CDKAL1: variants seen among roughly 807,000 people sequenced by gnomAD.
CDKAL1 encodes CDKAL1 threonylcarbamoyladenosine tRNA methylthiotransferase, also known as threonylcarbamoyladenosine tRNA methylthiotransferase.
A neutral mutation model predicts 68.2 loss-of-function variants in CDKAL1; 32 were observed. That is an observed-to-expected ratio of 0.47 (90% CI 0.35 to 0.63). The LOEUF is 0.63. Ranked by LOEUF, CDKAL1 falls within the 30% of genes least tolerant of loss-of-function variation. CDKAL1 has a pLI of 0.00. For missense variants in CDKAL1, 606 were observed against 696.7 expected (o/e 0.87, Z 1.47); for synonymous variants, 234 against 244.3 (o/e 0.96, Z 0.39).
chr6:21,023,469 A>C (rs1351655559), intron 11 of CDKAL1, among the ~76,000 whole-genome samples: 1 of 152,182 alleles, frequency 6.6e-6, no homozygotes, highest in African/African-American at 2.4e-5. Flanking sequence ...TCTTTCTGTA[A>C]ATTAGTTTTT....
chr6:20,612,583 C>T (rs74647347), intron 4 of CDKAL1, among the ~76,000 whole-genome samples: 23,497 of 151,926 alleles, frequency 0.15, 2,675 homozygotes, highest in African/African-American at 0.32. Context: ...CATACTTTGC[C>T]TGTTTCTTAA....
intron 11 of CDKAL1, among the ~76,000 whole-genome samples, chr6:21,021,005 G>A (rs1040867405): frequency 7.9e-5 from 12 of 152,198 alleles, no homozygotes; most frequent in African/African-American, 2.9e-4. Flanking sequence ...TAGTTACAGA[G>A]ATACTGAAGT....
At chr6:21,103,641 A>G (rs139682867) in intron 12 of CDKAL1, among the ~76,000 whole-genome samples, 31 of 152,288 alleles carry the variant, frequency 2.0e-4, no homozygotes, top group Non-Finnish European at 4.3e-4. Flanking sequence ...ACTTTTAAAT[A>G]TCCTCTCATC....
chr6:20,970,590 C>A (rs1261602481), intron 10 of CDKAL1, among the ~76,000 whole-genome samples: 1 of 152,130 alleles, frequency 6.6e-6, no homozygotes, highest in African/African-American at 2.4e-5. Flanking sequence ...TTTTGTGCTG[C>A]ATGTCAAAGG....
chr6:20,777,456 A>C (rs1240660808), intron 7 of CDKAL1, among the ~76,000 whole-genome samples: 1 of 152,102 alleles, frequency 6.6e-6, no homozygotes, highest in East Asian at 1.9e-4. Flanking sequence ...CTATAAAAAA[A>C]ATTTAAAAAG....
chr6:20,835,370 A>G (rs1207661243), intron 8 of CDKAL1, among the ~76,000 whole-genome samples: 1 of 152,182 alleles, frequency 6.6e-6, no homozygotes, highest in Non-Finnish European at 1.5e-5. Context: ...CTCCTTCCCC[A>G]CAAAAGGAGC....
At chr6:21,051,777 C>G (rs1349382387) in intron 11 of CDKAL1, among the ~76,000 whole-genome samples, 1 of 152,124 alleles carries the variant, frequency 6.6e-6, no homozygotes, top group African/African-American at 2.4e-5. Flanking sequence ...ATATTAAGCA[C>G]TATATGGGAA....
chr6:20,688,870 A>G (rs1770748315), intron 5 of CDKAL1, among the ~76,000 whole-genome samples: 1 of 152,214 alleles, frequency 6.6e-6, no homozygotes, highest in Admixed American at 6.5e-5. Flanking sequence ...ATAGGTCTTC[A>G]GTGATGTGGT....
intron 9 of CDKAL1, among the ~76,000 whole-genome samples, chr6:20,936,211 T>A (rs554771015): frequency 1.5e-3 from 224 of 151,198 alleles, no homozygotes; most frequent in African/African-American, 4.0e-3. Flanking sequence ...TACATTTTTT[T>A]AAAAAAATTC....
At chr6:20,546,864 T>G (rs991666196) in intron 3 of CDKAL1, among the ~76,000 whole-genome samples, 1 of 152,156 alleles carries the variant, frequency 6.6e-6, no homozygotes, top group Non-Finnish European at 1.5e-5. Context: ...GAAATTATAT[T>G]CATTTTCATT....
At chr6:20,619,143 A>C (rs9358354) in intron 4 of CDKAL1, among the ~76,000 whole-genome samples, 1 of 152,150 alleles carries the variant, frequency 6.6e-6, no homozygotes, top group African/African-American at 2.4e-5. Context: ...CCCTCATATC[A>C]CTTGTTATTG....
At chr6:20,993,868 A>C (rs1766967084) in intron 10 of CDKAL1, among the ~76,000 whole-genome samples, 1 of 152,244 alleles carries the variant, frequency 6.6e-6, no homozygotes, top group Admixed American at 6.5e-5. Flanking sequence ...GCCATTCTGC[A>C]GTTCCTGCCT....
At chr6:20,598,276 A>C (rs12199184) in intron 4 of CDKAL1, among the ~76,000 whole-genome samples, 35,912 of 152,146 alleles carry the variant, frequency 0.24, 4,938 homozygotes, top group Middle Eastern at 0.36. Flanking sequence ...CACTGGAATA[A>C]TTTGGAGTCT....
intron 9 of CDKAL1, among the ~76,000 whole-genome samples, chr6:20,872,074 A>G (rs1159550372): frequency 6.6e-6 from 1 of 152,220 alleles, no homozygotes; most frequent in African/African-American, 2.4e-5. Flanking sequence ...GTAGCTGCAT[A>G]GTTCTAGATA....
At chr6:20,953,834 A>G (rs1482733164) in intron 9 of CDKAL1, among the ~76,000 whole-genome samples, 5 of 152,206 alleles carry the variant, frequency 3.3e-5, no homozygotes, top group African/African-American at 1.2e-4. Context: ...TTTAATTTAA[A>G]CTATGAAAAC....
At chr6:21,008,687 T>C (rs974409836) in intron 11 of CDKAL1, among the ~76,000 whole-genome samples, 3 of 152,216 alleles carry the variant, frequency 2.0e-5, no homozygotes, top group African/African-American at 7.2e-5. Context: ...CCCAGTTCCT[T>C]GCACAGTGCT....
Position 20,539,096 on chromosome 6 carries a change from G to C in CDKAL1, c.-6+3702G>C, listed in dbSNP as rs1379950532. On this transcript the variant is annotated intron_variant, in intron 2 of 15. Coordinates refer to ENST00000274695, the MANE Select transcript of CDKAL1 (RefSeq NM_017774.3). The surrounding 1 kb of genome is among the most constrained non-coding windows in gnomAD (Gnocchi z 4.3). ...TGGGCAGCGTGGTTATTTTAGATAA[G>C]GTAGTAGGAAAGGCCTCTCCGAGGA... 1.3e-5 allele frequency among the ~76,000 whole-genome samples: 2 copies of C among 152,174 alleles called. No homozygotes were observed. The highest frequency in any genetic ancestry group is 6.5e-5 in the Admixed American group (1 of 15,280).
chr6:20,704,686 T>A lies in CDKAL1; in HGVS notation c.372-34833T>A, dbSNP rs79414704. On this transcript the variant is annotated intron_variant, in intron 5 of 15. Coordinates refer to ENST00000274695, the MANE Select transcript of CDKAL1 (RefSeq NM_017774.3). ...GCAGTATAAAACCAGAAAACAAGGA[T>A]ATATGGAAGAGGTCCCTAGACCAGA... Among the ~76,000 whole-genome samples the A allele has an allele frequency of 1.5e-4, 23 of 152,296 alleles. No individual in the cohort carries two copies. The East Asian group carries it at 3.3e-3, about 22-fold the overall frequency.
At chr6:20,740,065 C>T (rs9350276) in intron 6 of CDKAL1, among the ~76,000 whole-genome samples, 58,861 of 152,050 alleles carry the variant, frequency 0.39, 12,053 homozygotes, top group East Asian at 0.68. Context: ...CTGCCTACTC[C>T]GTGTAGTCCA....
Sources: allele counts gnomAD v4.1 joint callset (sites outside exome capture counted in the v4.1 genomes callset), GRCh38; gene constraint gnomAD v4.1.1; non-coding constraint Gnocchi (gnomAD v3.1); transcripts MANE v1.5; gene names NCBI Gene and HGNC (gene_info 2026-07-23, HGNC 2026-07-21).